Variants in MCF2L2 observed in about 807,000 individuals in gnomAD.
MCF2L2 encodes the protein probable guanine nucleotide exchange factor MCF2L2.
In MCF2L2, 102 loss-of-function variants were observed where a neutral mutation model predicts 150.2. The observed-to-expected ratio is 0.68, with a 90% CI of 0.58 to 0.80. The LOEUF (loss-of-function observed/expected upper bound fraction) is 0.80. MCF2L2 is among the 30% of genes least tolerant of loss of function. MCF2L2 has a pLI of 0.00. For synonymous variants in MCF2L2, 465 were observed against 491.3 expected (o/e 0.95, Z 0.71); for missense variants, 1,256 against 1,372.8 (o/e 0.91, Z 1.34).
chr3:183,190,919 C>T (rs576635806), intron 27 of MCF2L2, among the ~76,000 whole-genome samples: 1 of 152,244 alleles, frequency 6.6e-6, no homozygotes, highest in South Asian at 2.1e-4. Context: ...GAGTTTCGCC[C>T]TTGTTGCCCA....
chr3:183,204,305 A>C (rs1033764767), intron 25 of MCF2L2, among the ~76,000 whole-genome samples: 4 of 152,168 alleles, frequency 2.6e-5, no homozygotes, highest in Admixed American at 6.5e-5. Context: ...ATGACAAGCC[A>C]ATTAAAAAAC....
chr3:183,373,638 G>C (rs1381307244), intron 3 of MCF2L2: 1 of 151,888 alleles, frequency 6.6e-6, no homozygotes, highest in Admixed American at 6.6e-5. Context: ...CTGCACATGG[G>C]GATCACCGGT....
At chr3:183,386,964 G>A (rs1425620580) in intron 2 of MCF2L2, among the ~76,000 whole-genome samples, 1 of 152,176 alleles carries the variant, frequency 6.6e-6, no homozygotes, top group Non-Finnish European at 1.5e-5. Flanking sequence ...TCATAAGAAA[G>A]GCAAATTTGG....
chr3:183,246,923 T>A (rs1237854376), intron 15 of MCF2L2, among the ~76,000 whole-genome samples: 1 of 152,218 alleles, frequency 6.6e-6, no homozygotes, highest in African/African-American at 2.4e-5. Flanking sequence ...TTTTTTGTTT[T>A]TAATGTGTGC....
At chr3:183,405,036 G>A (rs1220226942) in intron 1 of MCF2L2, among the ~76,000 whole-genome samples, 4 of 152,074 alleles carry the variant, frequency 2.6e-5, no homozygotes, top group African/African-American at 9.7e-5. Flanking sequence ...TATCTATGGA[G>A]ATGTCTTAAT....
At chr3:183,243,043 T>C (rs955493092) in intron 15 of MCF2L2, among the ~76,000 whole-genome samples, 61 of 152,226 alleles carry the variant, frequency 4.0e-4, no homozygotes, top group Non-Finnish European at 8.5e-4. Context: ...ATTTCTCCCA[T>C]TTTGAACAGG....
At chr3:183,395,343 T>C (rs1233647053) in intron 1 of MCF2L2, among the ~76,000 whole-genome samples, 1 of 152,138 alleles carries the variant, frequency 6.6e-6, no homozygotes, top group African/African-American at 2.4e-5. Context: ...AGTCAGATTT[T>C]AAAAAAGAAA....
At chr3:183,321,096 A>T (rs1246757561) in intron 6 of MCF2L2, among the ~76,000 whole-genome samples, 1 of 152,210 alleles carries the variant, frequency 6.6e-6, no homozygotes, top group Non-Finnish European at 1.5e-5. Context: ...ACCCCAAAAC[A>T]ATTACAATAG....
rs557408314 is a variant in MCF2L2 at position 183,241,519 on chromosome 3, G to A, written c.1863-10502C>T. Among the ~76,000 whole-genome samples, 36 of 152,226 alleles carry A rather than the reference G, an allele frequency of 2.4e-4. 1 individual carries two copies. Among genetic ancestry groups the A allele is most frequent in the South Asian group, 2.1e-4 (1 of 4,826 alleles). ...GAGATCTGATGATTTTATAAAGGGC[G>A]GTTCCCTTGCACATGCTCTCTTGCC... On this transcript the variant is annotated intron_variant, in intron 15 of 29. Coordinates refer to ENST00000328913, the MANE Select transcript of MCF2L2 (RefSeq NM_015078.4).
chr3:183,347,941 AC>A (rs1450418876), intron 3 of MCF2L2, among the ~76,000 whole-genome samples: 1 of 152,226 alleles, frequency 6.6e-6, no homozygotes, highest in Non-Finnish European at 1.5e-5. Flanking sequence ...GAACGCTTTT[AC>A]ACTGTTGGTA....
Position 183,270,898 on chromosome 3 carries a change from A to C in MCF2L2, c.1862+5974T>G, listed in dbSNP as rs200554608. The C allele has an allele frequency of 1.2e-6, 2 of 1,605,216 alleles. No individual in the cohort carries two copies. Among genetic ancestry groups the C allele is most frequent in the East Asian group, 4.5e-5 (2 of 44,848 alleles). On this transcript the variant is annotated intron_variant, in intron 15 of 29. Transcript: ENST00000328913. The surrounding 1 kb of genome is among the most constrained non-coding windows in gnomAD (Gnocchi z 4.5). The stretch of plus-strand genomic sequence containing the variant: ...ATAATTCTCCTTTGTAAAATTAGCT[A>C]TGTGGACACATACCCTTGTAGGGCT...
Position 183,369,882 on chromosome 3 carries a change from CAT to C in MCF2L2, c.275+9413_275+9414del, listed in dbSNP as rs1712759890. 5.3e-5 allele frequency among the ~76,000 whole-genome samples: 8 copies of C among 152,308 alleles called. No individual in the cohort carries two copies. The East Asian group carries it at 1.5e-3, about 29-fold the overall frequency. ...GCGTGGCAAACAGTTGTCTACTCTACATCCAAAGTTTGATTTTAAAAAGGCAA... is the reference window on the plus strand; with the variant it reads ...GCGTGGCAAACAGTTGTCTACTCTACCCAAAGTTTGATTTTAAAAAGGCAA... On this transcript the variant is annotated intron_variant, in intron 3 of 29. Coordinates refer to ENST00000328913, the MANE Select transcript of MCF2L2 (RefSeq NM_015078.4).
chr3:183,405,995 C>T lies in MCF2L2; in HGVS notation c.77-16216G>A, dbSNP rs1050246292. Among the ~76,000 whole-genome samples, 10 of 152,258 alleles carry T rather than the reference C, an allele frequency of 6.6e-5. No individual in the cohort carries two copies. The East Asian group carries it at 1.4e-3, about 21-fold the overall frequency. On this transcript the variant is annotated intron_variant, in intron 1 of 29. Coordinates refer to ENST00000328913, the MANE Select transcript of MCF2L2 (RefSeq NM_015078.4). ...CTCCCAAAAGTGCTGGGATTACAGGCGTGAGCCACCACCACACCTGGCCCT... is the reference window on the plus strand; with the variant it reads ...CTCCCAAAAGTGCTGGGATTACAGGTGTGAGCCACCACCACACCTGGCCCT...
intron 21 of MCF2L2, among the ~76,000 whole-genome samples, chr3:183,216,304 T>C (rs1192201091): frequency 6.6e-6 from 1 of 151,000 alleles, no homozygotes; most frequent in Non-Finnish European, 1.5e-5. Flanking sequence ...ATCATCTACC[T>C]CTGTGCATTG....
Position 183,270,954 on chromosome 3 carries a change from T to C in MCF2L2, c.1862+5918A>G. On this transcript the variant is annotated intron_variant, in intron 15 of 29. Transcript: ENST00000328913. This position sits in a 1 kb window ranked among gnomAD's most constrained non-coding sequence, Gnocchi z 4.5. ...TATCTAATAGTACTTGAATGTTGTATGTTTTCACTGTCACTGAGTCAAACC... is the reference window on the plus strand; with the variant it reads ...TATCTAATAGTACTTGAATGTTGTACGTTTTCACTGTCACTGAGTCAAACC... 1 of 1,534,004 alleles carries C rather than the reference T, an allele frequency of 6.5e-7. No individual in the cohort carries two copies. Among genetic ancestry groups the C allele is most frequent in the Non-Finnish European group, 8.7e-7 (1 of 1,143,598 alleles).
At chr3:183,284,587 A>G (rs979080051) in intron 14 of MCF2L2, among the ~76,000 whole-genome samples, 5 of 152,114 alleles carry the variant, frequency 3.3e-5, no homozygotes, top group Non-Finnish European at 7.4e-5. Context: ...CTGTAATCCC[A>G]GCTACTCTAG....
At chr3:183,421,138 G>T (rs948073673) in intron 1 of MCF2L2, among the ~76,000 whole-genome samples, 2 of 152,100 alleles carry the variant, frequency 1.3e-5, no homozygotes, top group Non-Finnish European at 2.9e-5. Flanking sequence ...TTACAATAAT[G>T]TGTTTGGGTG....
intron 18 of MCF2L2, 149 bp from the exon 19 acceptor site, chr3:183,224,339 T>C: frequency 1.7e-6 from 1 of 600,042 alleles, no homozygotes; most frequent in East Asian, 2.8e-5. Flanking sequence ...TATGTTGGGA[T>C]GTGTGTGTGA....
chr3:183,214,043 T>C (rs1722826678), intron 22 of MCF2L2, among the ~76,000 whole-genome samples: 2 of 152,170 alleles, frequency 1.3e-5, no homozygotes, highest in Admixed American at 1.3e-4. Flanking sequence ...TGGCTGGGAA[T>C]GAAATTAGGG....
Sources: allele counts gnomAD v4.1 joint callset (sites outside exome capture counted in the v4.1 genomes callset), GRCh38; gene constraint gnomAD v4.1.1; non-coding constraint Gnocchi (gnomAD v3.1); transcripts MANE v1.5; gene names NCBI Gene and HGNC (gene_info 2026-07-23, HGNC 2026-07-21).